Variants in RHOBTB3 observed in about 807,000 individuals in gnomAD.
RHOBTB3 encodes Rho related BTB domain containing 3.
Under a neutral mutation model 67.2 loss-of-function variants are expected in RHOBTB3, and 47 were observed. The ratio of observed to expected loss-of-function variants is 0.70; its 90% CI spans 0.55 to 0.89. The LOEUF is 0.89. Among genes scored for constraint, RHOBTB3 ranks in the 40% least tolerant of loss-of-function variants. The pLI is 0.00. For synonymous variants in RHOBTB3, 273 were observed against 274.2 expected (o/e 1.00, Z 0.04); for missense variants, 631 against 750.0 (o/e 0.84, Z 1.85).
chr5:95,766,879 C>G (rs1298237085), intron 7 of RHOBTB3, among the ~76,000 whole-genome samples: 1 of 152,126 alleles, frequency 6.6e-6, no homozygotes, highest in African/African-American at 2.4e-5. Flanking sequence ...GTGGGCTCTG[C>G]TGTGAGTAGG....
intron 7 of RHOBTB3, among the ~76,000 whole-genome samples, chr5:95,766,948 G>T (rs1236409325): frequency 6.6e-6 from 1 of 152,002 alleles, no homozygotes; most frequent in Non-Finnish European, 1.5e-5. Flanking sequence ...GCTGGGCCCG[G>T]TGGCTCACAC....
In RHOBTB3 at chr5:95,752,317, CATGGA is replaced by C; in HGVS notation, c.652_656del (p.Gly218Ter). On this transcript the variant is annotated frameshift_variant, in exon 5 of 12. Coordinates refer to ENST00000379982, the MANE Select transcript of RHOBTB3 (RefSeq NM_014899.4). LOFTEE classifies it high-confidence loss of function. ...GAAAAGAAAAATGAGCAACTCCTTT[CATGGA>C]ATTAGACCACCTCAACTTGAACAAC... The C allele has an allele frequency of 6.2e-7, 1 of 1,607,864 alleles. No individual in the cohort carries two copies. The highest frequency in any genetic ancestry group is 8.5e-7 in the Non-Finnish European group (1 of 1,177,470).
intron 3 of RHOBTB3, among the ~76,000 whole-genome samples, chr5:95,741,411 G>T (rs1296253221): frequency 6.6e-6 from 1 of 150,498 alleles, no homozygotes; most frequent in Non-Finnish European, 1.5e-5. Flanking sequence ...GTGCTTTATA[G>T]CTGGGGTTTA....
chr5:95,759,211 C>T (rs902929315), intron 6 of RHOBTB3, among the ~76,000 whole-genome samples: 16 of 152,342 alleles, frequency 1.1e-4, no homozygotes, highest in Middle Eastern at 3.4e-3. Flanking sequence ...CGTCCCATTT[C>T]GGCTGTGATC....
chr5:95,741,493 C>CT (rs1345574600), intron 3 of RHOBTB3, among the ~76,000 whole-genome samples: 1 of 135,360 alleles, frequency 7.4e-6, no homozygotes, highest in East Asian at 2.3e-4. Context: ...TGTTATATCT[C>CT]TCAATTCTCT....
chr5:95,730,002 C>T (rs759531812), upstream of RHOBTB3, among the ~76,000 whole-genome samples: 43 of 151,914 alleles, frequency 2.8e-4, no homozygotes, highest in Non-Finnish European at 5.3e-4. Flanking sequence ...AAAAAGTGAT[C>T]TTGCATGCTG....
At chr5:95,763,645 T>G (rs1399489811) in intron 7 of RHOBTB3, 25 bp downstream of exon 7, 4 of 1,378,064 alleles carry the variant, frequency 2.9e-6, no homozygotes, top group Non-Finnish European at 4.1e-6. Flanking sequence ...TGTAAGTTAG[T>G]TTACTTTGAC....
At chr5:95,745,914 A>T (rs1007818976) in intron 3 of RHOBTB3, among the ~76,000 whole-genome samples, 2 of 152,152 alleles carry the variant, frequency 1.3e-5, no homozygotes, top group Non-Finnish European at 2.9e-5. Context: ...ATATTGAAGA[A>T]TATAGGAATG....
At chr5:95,734,944 A>C (rs1400059000) in intron 2 of RHOBTB3, among the ~76,000 whole-genome samples, 1 of 152,218 alleles carries the variant, frequency 6.6e-6, no homozygotes, top group East Asian at 1.9e-4. Flanking sequence ...GGAATTCAAA[A>C]AGCAGCTACT....
upstream of RHOBTB3, chr5:95,731,309 T>G: frequency 3.8e-6 from 4 of 1,045,168 alleles, no homozygotes; most frequent in Non-Finnish European, 4.6e-6. Context: ...CTTCTCTGCT[T>G]AGAGGAGGAG....
intron 8 of RHOBTB3, among the ~76,000 whole-genome samples, chr5:95,771,508 A>G (rs1446608749): frequency 1.3e-5 from 2 of 152,222 alleles, no homozygotes; most frequent in Non-Finnish European, 2.9e-5. Flanking sequence ...AGTGACCTTG[A>G]GATACAGAAA....
At chr5:95,774,621 T>C (rs1156795801) in intron 8 of RHOBTB3, among the ~76,000 whole-genome samples, 1 of 152,202 alleles carries the variant, frequency 6.6e-6, no homozygotes, top group African/African-American at 2.4e-5. Context: ...AATAGGAACA[T>C]CTGTAAGACA....
At chr5:95,731,007 G>C, upstream of RHOBTB3, 1 of 696,040 alleles carries the variant, frequency 1.4e-6, no homozygotes, top group Non-Finnish European at 2.2e-6. Context: ...CGGAGTGAGC[G>C]GGGGCCCCAT....
At chr5:95,755,831 T>C (rs1745229047) in intron 6 of RHOBTB3, 70 bp downstream of exon 6, 2 of 1,506,284 alleles carry the variant, frequency 1.3e-6, no homozygotes, top group Admixed American at 3.5e-5. Flanking sequence ...CCTGTGACAC[T>C]CAAGGGTACT....
At chr5:95,777,536 T>C (rs991853219) in intron 8 of RHOBTB3, among the ~76,000 whole-genome samples, 2 of 152,214 alleles carry the variant, frequency 1.3e-5, no homozygotes, top group African/African-American at 4.8e-5. Flanking sequence ...ATCTTTTAAC[T>C]AGAAAATGCT....
intron 8 of RHOBTB3, among the ~76,000 whole-genome samples, chr5:95,776,775 G>A (rs1369188991): frequency 6.6e-6 from 1 of 152,132 alleles, no homozygotes; most frequent in Non-Finnish European, 1.5e-5. Flanking sequence ...ATAAAATAGG[G>A]ATACTAATTC....
chr5:95,724,865 T>A (rs953163601), intron 1 of RHOBTB3, among the ~76,000 whole-genome samples: 1 of 152,238 alleles, frequency 6.6e-6, no homozygotes, highest in African/African-American at 2.4e-5. Flanking sequence ...ATGTAATGCC[T>A]GGTACATGGT....
rs189867498 is a variant in RHOBTB3, at chr5:95,769,031, G to A, written c.1282+865G>A. ...GATTACCCAGTCTTTCCGCAGACGAGACCAGGTTACTGGGATCCTCATCTC... is the reference window on the plus strand; with the variant it reads ...GATTACCCAGTCTTTCCGCAGACGAAACCAGGTTACTGGGATCCTCATCTC... On this transcript the variant is annotated intron_variant, in intron 8 of 11. Coordinates refer to ENST00000379982, the MANE Select transcript of RHOBTB3 (RefSeq NM_014899.4). 7 of 283,260 alleles carry A rather than the reference G, an allele frequency of 2.5e-5. No homozygotes were observed. The East Asian group carries it at 5.5e-4, about 22-fold the overall frequency. The allele number at this position is 283,260 out of a possible 1,614,324, so 17.5% of individuals were successfully genotyped here.
At chr5:95,749,226 TA>T (rs1745015968) in intron 4 of RHOBTB3, among the ~76,000 whole-genome samples, 1 of 152,230 alleles carries the variant, frequency 6.6e-6, no homozygotes. Context: ...GATGAGAAGT[TA>T]AAAGCAAAGA....
Sources: allele counts gnomAD v4.1 joint callset (sites outside exome capture counted in the v4.1 genomes callset), GRCh38; gene constraint gnomAD v4.1.1; transcripts MANE v1.5; gene names NCBI Gene and HGNC (gene_info 2026-07-23, HGNC 2026-07-21).